Variants in CDK5RAP2 observed in about 807,000 individuals in gnomAD.
CDK5RAP2 encodes CDK5 regulatory subunit associated protein 2, also known as CDK5 regulatory subunit-associated protein 2.
In CDK5RAP2, 147 loss-of-function variants were observed where a neutral mutation model predicts 232.9. The observed-to-expected ratio is 0.63, with a 90% CI of 0.55 to 0.72. CDK5RAP2 has a LOEUF of 0.72. Among genes scored for constraint, CDK5RAP2 ranks in the 30% least tolerant of loss-of-function variants. The pLI is 0.00. For missense variants in CDK5RAP2, 2,195 were observed against 2,231.5 expected (o/e 0.98, Z 0.33); for synonymous variants, 833 against 833.7 (o/e 1.00, Z 0.01).
chr9:120,460,852 C>T (rs1588399522), intron 18 of CDK5RAP2, 185 bp from the exon 19 acceptor site: 10 of 904,912 alleles, frequency 1.1e-5, no homozygotes, highest in South Asian at 3.3e-5. Flanking sequence ...CTAGTTGTGG[C>T]GAATCAGACA....
chr9:120,473,260 T>C (rs2037820366), intron 15 of CDK5RAP2, among the ~76,000 whole-genome samples: 1 of 152,246 alleles, frequency 6.6e-6, no homozygotes, highest in Admixed American at 6.5e-5. Context: ...CTTTTTTAGA[T>C]ACCAAGAGAT....
At chr9:120,539,260 C>G in intron 5 of CDK5RAP2, 96 bp from the exon 6 acceptor site, 1 of 1,465,100 alleles carries the variant, frequency 6.8e-7, no homozygotes, top group Non-Finnish European at 9.5e-7. Context: ...CTAGTCATTT[C>G]TCCCACAGAC....
intron 18 of CDK5RAP2, among the ~76,000 whole-genome samples, chr9:120,461,728 G>A (rs909463776): frequency 1.3e-5 from 2 of 151,932 alleles, no homozygotes; most frequent in African/African-American, 4.9e-5. Context: ...TGTAGTCCCA[G>A]CTACTCGGGA....
chr9:120,399,902 C>G (rs1194808154), intron 35 of CDK5RAP2, among the ~76,000 whole-genome samples: 1 of 152,192 alleles, frequency 6.6e-6, no homozygotes, highest in Admixed American at 6.5e-5. Context: ...GAGAGAGCTG[C>G]CCCACCTGCT....
At chr9:120,506,152 G>T (rs565792437) in intron 12 of CDK5RAP2, among the ~76,000 whole-genome samples, 1 of 152,316 alleles carries the variant, frequency 6.6e-6, no homozygotes, top group South Asian at 2.1e-4. Flanking sequence ...ACTTTAACTG[G>T]AAGCCAGTGC....
intron 20 of CDK5RAP2, among the ~76,000 whole-genome samples, chr9:120,455,436 C>T (rs935804423): frequency 6.6e-6 from 1 of 151,070 alleles, no homozygotes; most frequent in Non-Finnish European, 1.5e-5. Context: ...CAGGCACACA[C>T]GTGCTTCAGA....
intron 3 of CDK5RAP2, among the ~76,000 whole-genome samples, chr9:120,559,260 G>A (rs985588120): frequency 8.5e-5 from 13 of 152,102 alleles, no homozygotes; most frequent in African/African-American, 4.8e-5. Context: ...AGGCCGAGGC[G>A]GGTGGATCAC....
intron 34 of CDK5RAP2, 25 bp from the exon 35 acceptor site, chr9:120,400,910 T>A (rs1291255340): frequency 1.2e-6 from 2 of 1,613,818 alleles, no homozygotes; most frequent in African/African-American, 2.7e-5. Flanking sequence ...TGAAGGCTGT[T>A]ACGTGCAGTC....
chr9:120,455,104 G>A lies in CDK5RAP2; in HGVS notation c.2376-1231C>T, dbSNP rs1375937013. On this transcript the variant is annotated intron_variant, in intron 20 of 37. Transcript: ENST00000349780. ...CAGTGGGCACTGGGGATACAAAACT[G>A]TCCCAGGAGGACATGGACTGGTTTT... Among the ~76,000 whole-genome samples, 7 of 152,236 alleles carry A rather than the reference G, an allele frequency of 4.6e-5. No individual in the cohort carries two copies. The South Asian group carries it at 1.2e-3, about 27-fold the overall frequency.
chr9:120,395,356 T>G (rs550694709), intron 35 of CDK5RAP2, among the ~76,000 whole-genome samples: 7 of 152,246 alleles, frequency 4.6e-5, no homozygotes, highest in African/African-American at 9.6e-5. Context: ...TTAAAAACTT[T>G]TCAATGTTTA....
rs75616522 is a variant in CDK5RAP2, at chr9:120,514,426, G to T, written c.1311+4001C>A. 1.5e-3 allele frequency among the ~76,000 whole-genome samples: 224 copies of T among 152,170 alleles called. 8 individuals carry two copies. In the East Asian group the frequency reaches 0.038, roughly 26 times the overall value. On this transcript the variant is annotated intron_variant, in intron 12 of 37. Transcript: ENST00000349780. ...CACAATAAGCATGTGACCCAAATTG[G>T]GATTCTCAGTACATCACCCGTCTGG...
At chr9:120,570,463 T>C (rs764959942) in intron 2 of CDK5RAP2, among the ~76,000 whole-genome samples, 1 of 152,234 alleles carries the variant, frequency 6.6e-6, no homozygotes, top group Non-Finnish European at 1.5e-5. Flanking sequence ...TCTTCTCAGC[T>C]TAACAGTAAC....
chr9:120,483,434 C>T (rs1276565165), intron 14 of CDK5RAP2, among the ~76,000 whole-genome samples: 1 of 152,238 alleles, frequency 6.6e-6, no homozygotes, highest in Non-Finnish European at 1.5e-5. Flanking sequence ...GTCTGGGACT[C>T]AGATGAGGTC....
chr9:120,503,842 TCAC>T (rs967510229), intron 12 of CDK5RAP2, among the ~76,000 whole-genome samples: 7 of 151,974 alleles, frequency 4.6e-5, no homozygotes, highest in Admixed American at 3.3e-4. Context: ...GGCCATGGCA[TCAC>T]CACCACCACC....
chr9:120,548,083 G>A (rs991060136), intron 4 of CDK5RAP2, among the ~76,000 whole-genome samples: 27 of 152,206 alleles, frequency 1.8e-4, no homozygotes, highest in Non-Finnish European at 1.5e-5. Context: ...CTCGGAGACA[G>A]GGCTCAAAAT....
intron 12 of CDK5RAP2, among the ~76,000 whole-genome samples, chr9:120,498,147 C>G (rs2039402796): frequency 6.6e-6 from 1 of 152,216 alleles, no homozygotes; most frequent in Non-Finnish European, 1.5e-5. Flanking sequence ...TTCCCATATT[C>G]TCACCACCTG....
At chr9:120,427,342 T>C (rs767522726) in intron 25 of CDK5RAP2, among the ~76,000 whole-genome samples, 1 of 152,260 alleles carries the variant, frequency 6.6e-6, no homozygotes, top group Non-Finnish European at 1.5e-5. Flanking sequence ...CTGGGCTGCA[T>C]GCAGCCCATG....
intron 34 of CDK5RAP2, among the ~76,000 whole-genome samples, chr9:120,402,035 T>C (rs572831388): frequency 6.6e-6 from 1 of 152,188 alleles, no homozygotes; most frequent in East Asian, 1.9e-4. Flanking sequence ...CTGACGCCTG[T>C]AATCCCAACA....
intron 36 of CDK5RAP2, among the ~76,000 whole-genome samples, chr9:120,390,442 G>T (rs181795479): frequency 6.6e-6 from 1 of 152,210 alleles, no homozygotes; most frequent in Non-Finnish European, 1.5e-5. Context: ...GGGTGGGATG[G>T]TTTCAGAGGT....
Sources: allele counts gnomAD v4.1 joint callset (sites outside exome capture counted in the v4.1 genomes callset), GRCh38; gene constraint gnomAD v4.1.1; transcripts MANE v1.5; gene names NCBI Gene and HGNC (gene_info 2026-07-23, HGNC 2026-07-21).